The following DOCK4 variants were observed in gnomAD, a reference collection of about 807,000 sequenced individuals.
DOCK4 encodes dedicator of cytokinesis protein 4.
DOCK4 carries 97 observed loss-of-function variants against 268.1 expected under a neutral mutation model. The ratio of observed to expected loss-of-function variants is 0.36; its 90% confidence interval spans 0.31 to 0.43. The LOEUF (loss-of-function observed/expected upper bound fraction) is 0.43, where lower values mean the gene tolerates loss of function less well. DOCK4 is among the 20% of genes least tolerant of loss of function. The pLI is 1.00. For missense variants in DOCK4, 2,145 were observed against 2,455.7 expected, an observed-to-expected ratio of 0.87 and a Z score of 2.67; for synonymous variants, 954 against 887.2, an observed-to-expected ratio of 1.08 and a Z score of -1.34.
At chr7:112,148,788 T>C (rs1299578962) in intron 1 of DOCK4, among the ~76,000 whole-genome samples, 2 of 152,174 alleles carry the variant, frequency 1.3e-5, no homozygotes, top group East Asian at 1.9e-4. Context: ...GATCCTAAAA[T>C]GATTCAGGTT....
chr7:112,172,765 G>A (rs1171676934), intron 1 of DOCK4, among the ~76,000 whole-genome samples: 1 of 152,154 alleles, frequency 6.6e-6, no homozygotes. Context: ...AAAATGTAAA[G>A]CCGGGAAGAA....
At chr7:111,896,495 T>C (rs1043498518) in intron 15 of DOCK4, among the ~76,000 whole-genome samples, 9 of 151,266 alleles carry the variant, frequency 5.9e-5, no homozygotes, top group African/African-American at 2.0e-4. Context: ...AGGTTTTTTT[T>C]TTTTTTTTTT....
At chr7:112,175,871 T>G (rs1306257521) in intron 1 of DOCK4, among the ~76,000 whole-genome samples, 2 of 152,210 alleles carry the variant, frequency 1.3e-5, no homozygotes, top group Admixed American at 6.5e-5. Context: ...ACATTGAAAT[T>G]TAAGTGTGCT....
intron 8 of DOCK4, among the ~76,000 whole-genome samples, chr7:111,955,200 G>C (rs1796366089): frequency 1.3e-5 from 2 of 152,168 alleles, no homozygotes; most frequent in African/African-American, 4.8e-5. Context: ...TCTCAAGCAA[G>C]TCTTCCTAGA....
At chr7:111,808,970 T>C in intron 29 of DOCK4, 91 bp from the exon 30 acceptor site, 1 of 1,421,946 alleles carries the variant, frequency 7.0e-7, no homozygotes, top group Non-Finnish European at 9.7e-7. Flanking sequence ...TCATTCTGAA[T>C]TACAAGGCAA....
At chr7:111,777,053 A>C (rs1798489342) in intron 36 of DOCK4, among the ~76,000 whole-genome samples, 1 of 152,114 alleles carries the variant, frequency 6.6e-6, no homozygotes, top group African/African-American at 2.4e-5. Context: ...TCCTGGGCTC[A>C]AGCGATCCAC....
chr7:112,200,147 G>A (rs1393589759), intron 1 of DOCK4, among the ~76,000 whole-genome samples: 1 of 152,152 alleles, frequency 6.6e-6, no homozygotes, highest in Non-Finnish European at 1.5e-5. Flanking sequence ...AGCATTTAAA[G>A]CAGTGTTTTT....
At chr7:112,124,826 T>A (rs1002154932) in intron 1 of DOCK4, among the ~76,000 whole-genome samples, 2 of 152,242 alleles carry the variant, frequency 1.3e-5, no homozygotes, top group African/African-American at 4.8e-5. Context: ...ATACATTTCA[T>A]ATATAATTCG....
At chr7:112,204,572 G>T (rs772368989) in intron 1 of DOCK4, among the ~76,000 whole-genome samples, 2 of 152,196 alleles carry the variant, frequency 1.3e-5, no homozygotes, top group South Asian at 2.1e-4. Context: ...CTGACACTTT[G>T]AAGGAGGGAA....
chr7:112,120,349 T>C (rs1485826044), intron 1 of DOCK4, among the ~76,000 whole-genome samples: 2 of 152,210 alleles, frequency 1.3e-5, no homozygotes, highest in South Asian at 2.1e-4. Flanking sequence ...AGTAGCGCTA[T>C]TTTAAAATAA....
chr7:112,129,613 G>A (rs1813608482), intron 1 of DOCK4, among the ~76,000 whole-genome samples: 1 of 152,164 alleles, frequency 6.6e-6, no homozygotes. Context: ...AACTGTATAA[G>A]ATGTCACCAT....
At chr7:112,066,711 A>ATGTGTG (rs1439275529) in intron 1 of DOCK4, among the ~76,000 whole-genome samples, 5 of 79,968 alleles carry the variant, frequency 6.3e-5, no homozygotes, top group African/African-American at 2.3e-4. Context: ...ATATATATAT[A>ATGTGTG]TATATATATA....
intron 1 of DOCK4, among the ~76,000 whole-genome samples, chr7:112,085,686 A>C (rs1809015348): frequency 6.6e-6 from 1 of 152,184 alleles, no homozygotes; most frequent in Non-Finnish European, 1.5e-5. Context: ...AAGATAAATA[A>C]TGGATCTTGA....
chr7:111,936,730 T>G (rs1794776960), intron 11 of DOCK4, among the ~76,000 whole-genome samples: 1 of 152,202 alleles, frequency 6.6e-6, no homozygotes, highest in African/African-American at 2.4e-5. Context: ...CTGTACACTA[T>G]CAATCAAAAT....
At chr7:111,751,012 G>T (rs943486030) in intron 42 of DOCK4, among the ~76,000 whole-genome samples, 2 of 151,998 alleles carry the variant, frequency 1.3e-5, no homozygotes, top group African/African-American at 4.8e-5. Flanking sequence ...GTATTCCAAT[G>T]AGTAAATAAA....
At chr7:112,059,903 A>C (rs1159390310) in intron 1 of DOCK4, among the ~76,000 whole-genome samples, 2 of 152,242 alleles carry the variant, frequency 1.3e-5, no homozygotes, top group Non-Finnish European at 2.9e-5. Flanking sequence ...AACAAGAAGA[A>C]AGATGATACA....
At chr7:111,767,189 C>T (rs1260479537) in intron 37 of DOCK4, 71 bp from the exon 38 acceptor site, 2 of 1,114,678 alleles carry the variant, frequency 1.8e-6, no homozygotes, top group African/African-American at 3.2e-5. Context: ...AAAGTCAGAA[C>T]ATGAGTGCTT....
chr7:111,734,858 G>A (rs1422435018), intron 51 of DOCK4, among the ~76,000 whole-genome samples, 196 bp downstream of exon 51: 2 of 152,154 alleles, frequency 1.3e-5, no homozygotes, highest in African/African-American at 4.8e-5. Context: ...AGGCTTACTT[G>A]GAACAGACCA....
chr7:111,943,719 C>T (rs576984016), intron 10 of DOCK4, among the ~76,000 whole-genome samples: 1 of 152,214 alleles, frequency 6.6e-6, no homozygotes, highest in South Asian at 2.1e-4. Context: ...AAACCAAAAA[C>T]TGTCTATTTT....
Sources: allele counts gnomAD v4.1 joint callset (sites outside exome capture counted in the v4.1 genomes callset), GRCh38; gene constraint gnomAD v4.1.1; transcripts MANE v1.5; gene names NCBI Gene and HGNC (gene_info 2026-07-23, HGNC 2026-07-21).